JAKMIP1: variants seen among roughly 807,000 people sequenced by gnomAD.
JAKMIP1 encodes the protein janus kinase and microtubule interacting protein 1, also known as janus kinase and microtubule-interacting protein 1.
A neutral mutation model predicts 113.0 loss-of-function variants in JAKMIP1; 33 were observed. That is an observed-to-expected ratio of 0.29 (90% CI 0.22 to 0.39). The LOEUF (loss-of-function observed/expected upper bound fraction) is 0.39. JAKMIP1 is among the 10% of genes least tolerant of loss of function. JAKMIP1 has a pLI of 1.00. For synonymous variants in JAKMIP1, 480 were observed against 459.9 expected (o/e 1.04, Z -0.56); for missense variants, 813 against 1,080.5 (o/e 0.75, Z 3.47).
chr4:6,061,750 C>A lies in JAKMIP1; in HGVS notation c.1560+562G>T, dbSNP rs1717314477. Among the ~76,000 whole-genome samples the A allele has an allele frequency of 1.3e-5, 2 of 152,176 alleles. No homozygotes were observed. The highest frequency in any genetic ancestry group is 4.1e-4 in the South Asian group (2 of 4,824). ...GCTCTCCGGGAGTCCTCCACACTCC[C>A]AGGAGGAAGCGAGAGCAGGCCCCAG... On this transcript the variant is annotated intron_variant, in intron 10 of 20. Coordinates refer to ENST00000409021, the MANE Select transcript of JAKMIP1 (RefSeq NM_001099433.2). This position sits in a 1 kb window ranked among gnomAD's most constrained non-coding sequence, Gnocchi z 5.3.
At chr4:6,165,698 C>T (rs1723539135) in intron 1 of JAKMIP1, among the ~76,000 whole-genome samples, 1 of 152,222 alleles carries the variant, frequency 6.6e-6, no homozygotes, top group South Asian at 2.1e-4. Flanking sequence ...ATAACTTTTA[C>T]AGGCACTGGG....
intron 1 of JAKMIP1, among the ~76,000 whole-genome samples, chr4:6,174,587 T>G (rs1445235325): frequency 6.6e-6 from 1 of 152,198 alleles, no homozygotes; most frequent in African/African-American, 2.4e-5. Context: ...GCTCTCAACC[T>G]GCTGGGTCCT....
chr4:6,125,923 G>A (rs1288839441), intron 1 of JAKMIP1, among the ~76,000 whole-genome samples: 16 of 87,752 alleles, frequency 1.8e-4, no homozygotes, highest in African/African-American at 2.5e-4. Context: ...TACACACCAT[G>A]CAGAAACACA....
chr4:6,130,023 C>T (rs944636303), intron 1 of JAKMIP1, among the ~76,000 whole-genome samples: 1 of 152,224 alleles, frequency 6.6e-6, no homozygotes, highest in African/African-American at 2.4e-5. Context: ...GACTCTGGGA[C>T]ACCTCTGGCC....
At chr4:6,087,608 G>A (rs181840337) in intron 3 of JAKMIP1, among the ~76,000 whole-genome samples, 18 of 152,262 alleles carry the variant, frequency 1.2e-4, no homozygotes, top group African/African-American at 4.1e-4. Flanking sequence ...CACATACCAC[G>A]GTGCTACAGT....
chr4:6,175,662 C>G (rs1725262403), intron 1 of JAKMIP1, among the ~76,000 whole-genome samples: 1 of 152,216 alleles, frequency 6.6e-6, no homozygotes, highest in South Asian at 2.1e-4. Flanking sequence ...CTACCCAGCT[C>G]CACCCAGGCA....
intron 11 of JAKMIP1, among the ~76,000 whole-genome samples, chr4:6,057,963 G>A (rs1018170084): frequency 3.9e-5 from 6 of 152,272 alleles, no homozygotes. Context: ...CTGATCCACA[G>A]AACTGTGTGC....
rs146593141 is a variant in JAKMIP1 at position 6,197,654 on chromosome 4, C to A, written c.-148+2599G>T. 3.4e-3 allele frequency among the ~76,000 whole-genome samples: 525 copies of A among 152,336 alleles called. 1 individual carries two copies. Among genetic ancestry groups the A allele is most frequent in the African/African-American group, 0.012 (488 of 41,578 alleles). ...AGTGACCCAGCAGAACTGGGACACA[C>A]TGCAGTCATCCTCAGACTCCCCAAG... On this transcript the variant is annotated intron_variant, in intron 1 of 20. Coordinates refer to ENST00000409021, the MANE Select transcript of JAKMIP1 (RefSeq NM_001099433.2). This position sits in a 1 kb window ranked among gnomAD's most constrained non-coding sequence, Gnocchi z 6.5.
chr4:6,034,993 G>A (rs1180224681), intron 19 of JAKMIP1, among the ~76,000 whole-genome samples: 2 of 152,172 alleles, frequency 1.3e-5, no homozygotes, highest in Admixed American at 1.3e-4. Context: ...CTAGCAGATG[G>A]CCTTCAGGCT....
intron 1 of JAKMIP1, among the ~76,000 whole-genome samples, chr4:6,127,909 G>A (rs1002323635): frequency 6.6e-6 from 1 of 152,214 alleles, no homozygotes; most frequent in Admixed American, 6.5e-5. Flanking sequence ...CCCCCAAAAT[G>A]CGTCCACTCC....
chr4:6,078,463 T>C (rs935785348), intron 8 of JAKMIP1, among the ~76,000 whole-genome samples: 1 of 151,108 alleles, frequency 6.6e-6, no homozygotes, highest in African/African-American at 2.4e-5. Flanking sequence ...TTGGTCCCTG[T>C]GGGCATTTGA....
chr4:6,065,079 G>A lies in JAKMIP1; in HGVS notation c.1303-71C>T. The A allele has an allele frequency of 6.3e-7, 1 of 1,586,858 alleles. No individual in the cohort carries two copies. Among genetic ancestry groups the A allele is most frequent in the East Asian group, 2.2e-5 (1 of 44,684 alleles). ...CAGAGTCTACCAGTCCCTGGTCGTG[G>A]GCATGCCAGTGCAGGGGGGTGATGA... On this transcript the variant is annotated intron_variant, in intron 8 of 20. Coordinates refer to ENST00000409021, the MANE Select transcript of JAKMIP1 (RefSeq NM_001099433.2). The surrounding 1 kb of genome is among the most constrained non-coding windows in gnomAD (Gnocchi z 5.1).
intron 1 of JAKMIP1, among the ~76,000 whole-genome samples, chr4:6,119,412 C>T (rs1716364696): frequency 6.6e-6 from 1 of 152,122 alleles, no homozygotes. Flanking sequence ...GGCGTGGTTG[C>T]GCATGGCTGT....
chr4:6,044,886 G>C lies in JAKMIP1; in HGVS notation c.2029-2659C>G, dbSNP rs990057815. Among the ~76,000 whole-genome samples, 13 of 152,222 alleles carry C rather than the reference G, an allele frequency of 8.5e-5. No individual in the cohort carries two copies. Among genetic ancestry groups the C allele is most frequent in the Non-Finnish European group, 1.9e-4 (13 of 68,024 alleles). ...TAGCTGTGGAGGCTCAGTCACTCCTGGGAGAAACAGCGTTCATGGTTCTGC... is the reference window on the plus strand; with the variant it reads ...TAGCTGTGGAGGCTCAGTCACTCCTCGGAGAAACAGCGTTCATGGTTCTGC... On this transcript the variant is annotated intron_variant, in intron 16 of 20. Transcript: ENST00000409021. The surrounding 1 kb of genome is among the most constrained non-coding windows in gnomAD (Gnocchi z 4.4).
At chr4:6,131,363 T>A in intron 1 of JAKMIP1, among the ~76,000 whole-genome samples, 2 of 122,016 alleles carry the variant, frequency 1.6e-5, no homozygotes, top group Admixed American at 8.3e-5. Flanking sequence ...GAAGGATAAC[T>A]GCCAAAAAAA....
chr4:6,114,754 G>A (rs1243656197), intron 1 of JAKMIP1, among the ~76,000 whole-genome samples: 1 of 152,218 alleles, frequency 6.6e-6, no homozygotes, highest in Non-Finnish European at 1.5e-5. Flanking sequence ...ATCTGACTTA[G>A]AGCTTGATAC....
intron 1 of JAKMIP1, among the ~76,000 whole-genome samples, chr4:6,124,594 G>A (rs2108916311): frequency 6.6e-6 from 1 of 152,330 alleles, no homozygotes; most frequent in East Asian, 1.9e-4. Flanking sequence ...CCAGGCTCTA[G>A]GGCCATGGGG....
At chr4:6,026,608 C>T (rs1251729719) in intron 20 of JAKMIP1, among the ~76,000 whole-genome samples, 3 of 151,964 alleles carry the variant, frequency 2.0e-5, no homozygotes, top group South Asian at 2.1e-4. Flanking sequence ...TTGGGCAGGC[C>T]GGTATAAATA....
chr4:6,170,032 T>TCACCACCATCACCACCAC (rs1724211751), intron 1 of JAKMIP1, among the ~76,000 whole-genome samples: 2 of 75,738 alleles, frequency 2.6e-5, no homozygotes, highest in African/African-American at 5.3e-5. Context: ...CACATTCCCA[T>TCACCACCATCACCACCAC]CACCACCACC....
Sources: allele counts gnomAD v4.1 joint callset (sites outside exome capture counted in the v4.1 genomes callset), GRCh38; gene constraint gnomAD v4.1.1; non-coding constraint Gnocchi (gnomAD v3.1); transcripts MANE v1.5; gene names NCBI Gene and HGNC (gene_info 2026-07-23, HGNC 2026-07-21).